The following ARRB1 variants were observed in gnomAD, a reference collection of about 807,000 sequenced individuals.
The protein encoded by ARRB1 is beta-arrestin-1.
In ARRB1, 21 loss-of-function variants were observed where a neutral mutation model predicts 56.8. That is an observed-to-expected ratio of 0.37 (90% CI 0.26 to 0.53). The LOEUF (loss-of-function observed/expected upper bound fraction) is 0.53. Ranked by LOEUF, ARRB1 falls within the 20% of genes least tolerant of loss-of-function variation. The pLI is 0.88. For missense variants in ARRB1, 424 were observed against 553.7 expected, an observed-to-expected ratio of 0.77 and a Z score of 2.35; for synonymous variants, 210 against 218.6, an observed-to-expected ratio of 0.96 and a Z score of 0.35.
chr11:75,308,742 C>G (rs1194278268), intron 1 of ARRB1, among the ~76,000 whole-genome samples: 1 of 148,062 alleles, frequency 6.8e-6, no homozygotes, highest in African/African-American at 2.5e-5. Flanking sequence ...GAGAATCCAT[C>G]TCAAAAAAAA....
Position 75,266,085 on chromosome 11 carries a change from C to T in ARRB1, c.*78G>A. 7.8e-7 allele frequency: 1 copy of T among 1,287,452 alleles called. No homozygotes were observed. Among genetic ancestry groups the T allele is most frequent in the Non-Finnish European group, 1.1e-6 (1 of 888,618 alleles). 79.8% of individuals were successfully genotyped at this position (1,287,452 alleles called of 1,614,324 possible). On this transcript the variant is annotated 3_prime_UTR_variant, in exon 16 of 16. Transcript: ENST00000420843. ...TGGAAGAACAAAGGGGAAAAGAAAC[C>T]AGAACAGGAAGAAGACGAGTAAGCA...
At chr11:75,276,982 CG>C in intron 9 of ARRB1, 71 bp from the exon 10 acceptor site, 1 of 1,521,894 alleles carries the variant, frequency 6.6e-7, no homozygotes. Flanking sequence ...CAGGCGTCCC[CG>C]GGTTGGGGAT....
intron 1 of ARRB1, among the ~76,000 whole-genome samples, chr11:75,294,852 G>A (rs182389847): frequency 6.6e-6 from 1 of 152,124 alleles, no homozygotes; most frequent in East Asian, 1.9e-4. Flanking sequence ...TTTAAGTGCT[G>A]GTGCTTGATT....
chr11:75,272,890 C>G lies in ARRB1; in HGVS notation c.998+5G>C. 1.2e-6 allele frequency: 2 copies of G among 1,613,962 alleles called. No individual in the cohort carries two copies. Among genetic ancestry groups the G allele is most frequent in the Non-Finnish European group, 1.7e-6 (2 of 1,179,940 alleles). The stretch of plus-strand genomic sequence containing the variant: ...CGGGGTCTTGGGCTTGGCTGGAGCA[C>G]TCACCCGCCCCGAGACACCACCAGC... On this transcript the variant is annotated splice_donor_5th_base_variant and intron_variant, in intron 12 of 15. Transcript: ENST00000420843.
chr11:75,296,185 CAAAA>C lies in ARRB1; in HGVS notation c.21-6150_21-6147del, dbSNP rs11428462. Among the ~76,000 whole-genome samples, 11 of 84,870 alleles carry C rather than the reference CAAAA, an allele frequency of 1.3e-4. No homozygotes were observed. In the East Asian group the frequency reaches 2.4e-3, roughly 19 times the overall value. The allele number at this position is 84,870 out of a possible 152,430, so 55.7% of individuals were successfully genotyped here. On this transcript the variant is annotated intron_variant, in intron 1 of 15. Coordinates refer to ENST00000420843, the MANE Select transcript of ARRB1 (RefSeq NM_004041.5). Reference sequence around the variant, plus strand: ...TGGGCGACAGAGTAAGACTTTGTCTCAAAAAAAAAAAAAAAAAAAAAAGAGTATT... The same window carrying C: ...TGGGCGACAGAGTAAGACTTTGTCTCAAAAAAAAAAAAAAAAAAGAGTATT...
chr11:75,350,921 A>G (rs1947838904), intron 1 of ARRB1, among the ~76,000 whole-genome samples: 1 of 152,058 alleles, frequency 6.6e-6, no homozygotes, highest in East Asian at 1.9e-4. Context: ...TGAGGGCATC[A>G]GTCTGATTGT....
At chr11:75,282,592 C>G (rs1164869717) in intron 5 of ARRB1, among the ~76,000 whole-genome samples, 1 of 152,250 alleles carries the variant, frequency 6.6e-6, no homozygotes, top group African/African-American at 2.4e-5. Context: ...TCCAGAGGAG[C>G]CAGCCCTGCC....
chr11:75,262,992 C>T lies in ARRB1; in HGVS notation c.*3171G>A, dbSNP rs116477105. On this transcript the variant is annotated 3_prime_UTR_variant, in exon 16 of 16. Coordinates refer to ENST00000420843, the MANE Select transcript of ARRB1 (RefSeq NM_004041.5). ...GAGGAGGTCCCGCTGGCTCTCTGCT[C>T]GGTGGGTTTTCACCGGGGCATGCTT... Among the ~76,000 whole-genome samples the T allele has an allele frequency of 0.011, 1,614 of 152,302 alleles. 18 individuals are homozygous for T. Among genetic ancestry groups the T allele is most frequent in the Non-Finnish European group, 0.014 (957 of 68,026 alleles).
At chr11:75,345,114 A>T (rs1947745888) in intron 1 of ARRB1, among the ~76,000 whole-genome samples, 1 of 152,138 alleles carries the variant, frequency 6.6e-6, no homozygotes, top group African/African-American at 2.4e-5. Flanking sequence ...GGCAGAGGAA[A>T]AGCTGTTCAG....
intron 10 of ARRB1, chr11:75,274,945 T>G (rs1046203403): frequency 2.6e-5 from 4 of 151,664 alleles, no homozygotes; most frequent in Non-Finnish European, 5.9e-5. Flanking sequence ...ACAAAAAATT[T>G]TAAACATTAG....
intron 1 of ARRB1, among the ~76,000 whole-genome samples, chr11:75,347,624 G>A (rs928218942): frequency 3.5e-4 from 53 of 152,194 alleles, no homozygotes; most frequent in African/African-American, 9.9e-4. Flanking sequence ...GGGCAAAAGC[G>A]TCGAGTAGCA....
chr11:75,289,720 C>T (rs1946560681), intron 2 of ARRB1, among the ~76,000 whole-genome samples: 1 of 152,174 alleles, frequency 6.6e-6, no homozygotes, highest in Non-Finnish European at 1.5e-5. Flanking sequence ...GGCTTGTCCT[C>T]CACTGTCACA....
chr11:75,293,602 C>T (rs1946658268), intron 1 of ARRB1, among the ~76,000 whole-genome samples: 1 of 152,158 alleles, frequency 6.6e-6, no homozygotes, highest in Non-Finnish European at 1.5e-5. Context: ...CCATCTATGC[C>T]CCACAGCCTG....
intron 1 of ARRB1, among the ~76,000 whole-genome samples, chr11:75,296,685 C>T (rs1402014744): frequency 1.3e-5 from 2 of 148,344 alleles, no homozygotes; most frequent in African/African-American, 2.5e-5. Context: ...ATTTTTTTTC[C>T]TTTTTTTTTT....
chr11:75,332,624 C>T (rs934119276), intron 1 of ARRB1, among the ~76,000 whole-genome samples: 2 of 152,156 alleles, frequency 1.3e-5, no homozygotes, highest in Admixed American at 1.3e-4. Context: ...TGGCCAGGCG[C>T]GGTGGCTCAC....
At chr11:75,271,583 T>G (rs1206877463) in intron 13 of ARRB1, 118 bp downstream of exon 13, 17 of 1,160,138 alleles carry the variant, frequency 1.5e-5, no homozygotes, top group South Asian at 8.2e-5. Context: ...AACCTGGCTA[T>G]CTGAAATGAC....
chr11:75,300,113 G>T (rs1946862876), intron 1 of ARRB1, among the ~76,000 whole-genome samples: 1 of 150,702 alleles, frequency 6.6e-6, no homozygotes, highest in South Asian at 2.1e-4. Flanking sequence ...GCTGAGGCAG[G>T]AGAAACACTG....
chr11:75,334,125 T>C lies in ARRB1; in HGVS notation c.20+17463A>G, dbSNP rs761162049. On this transcript the variant is annotated intron_variant, in intron 1 of 15. Transcript: ENST00000420843. ...GGTGGGCAGACCACAAGGTCAGAAG[T>C]TCAAGACCAGCCTGACCAACATGGT... is the stretch of plus-strand genomic sequence containing the variant. 2.3e-4 allele frequency among the ~76,000 whole-genome samples: 35 copies of C among 152,122 alleles called. No individual in the cohort carries two copies. The Middle Eastern group carries it at 0.01, about 44-fold the overall frequency.
At chr11:75,323,511 T>C (rs541544894) in intron 1 of ARRB1, among the ~76,000 whole-genome samples, 1 of 152,176 alleles carries the variant, frequency 6.6e-6, no homozygotes, top group African/African-American at 2.4e-5. Context: ...TCCCAGCTAC[T>C]CGGGAGGCTG....
Sources: gnomAD v4.1 joint callset for allele counts (sites outside exome capture counted in the v4.1 genomes callset) on GRCh38, gnomAD v4.1.1 for gene constraint, MANE v1.5 for transcripts, NCBI Gene and HGNC (gene_info 2026-07-23, HGNC 2026-07-21) for gene names.